Variants in PLCL1 observed in about 807,000 individuals in gnomAD.
The protein encoded by PLCL1 is phospholipase C like 1 (inactive).
A neutral mutation model predicts 84.4 loss-of-function variants in PLCL1; 41 were observed. The observed-to-expected ratio is 0.49, with a 90% CI of 0.38 to 0.63. The LOEUF (loss-of-function observed/expected upper bound fraction) is 0.63. Ranked by LOEUF, PLCL1 falls within the 30% of genes least tolerant of loss-of-function variation. The pLI is 0.00. For synonymous variants in PLCL1, 490 were observed against 488.3 expected (o/e 1.00, Z -0.05); for missense variants, 1,206 against 1,367.8 (o/e 0.88, Z 1.87).
intron 1 of PLCL1, among the ~76,000 whole-genome samples, chr2:197,859,403 T>C (rs1687389248): frequency 2.0e-5 from 3 of 152,210 alleles, no homozygotes; most frequent in Non-Finnish European, 4.4e-5. Flanking sequence ...AACCTACTTA[T>C]ACCTTTTAAA....
intron 1 of PLCL1, among the ~76,000 whole-genome samples, chr2:198,065,346 A>G (rs959692422): frequency 6.6e-6 from 1 of 152,182 alleles, no homozygotes; most frequent in African/African-American, 2.4e-5. Flanking sequence ...AAGCTTTTCA[A>G]GTCTAAATAA....
chr2:198,059,919 T>A (rs1395137538), intron 1 of PLCL1, among the ~76,000 whole-genome samples: 5 of 152,160 alleles, frequency 3.3e-5, no homozygotes, highest in African/African-American at 1.2e-4. Context: ...AGGCCATGTT[T>A]AAACTGATCT....
intron 1 of PLCL1, among the ~76,000 whole-genome samples, chr2:198,080,222 A>G (rs566890621): frequency 6.6e-6 from 1 of 152,338 alleles, no homozygotes; most frequent in East Asian, 1.9e-4. Flanking sequence ...CAATACATAC[A>G]CAACATAAAA....
At chr2:197,958,034 G>A (rs980921081) in intron 1 of PLCL1, among the ~76,000 whole-genome samples, 18 of 151,920 alleles carry the variant, frequency 1.2e-4, no homozygotes, top group African/African-American at 4.3e-4. Flanking sequence ...TCATATTTCT[G>A]GCTTATCTCA....
intron 2 of PLCL1, among the ~76,000 whole-genome samples, chr2:198,087,056 C>CA (rs976599842): frequency 2.6e-5 from 4 of 151,650 alleles, no homozygotes; most frequent in Non-Finnish European, 5.9e-5. Flanking sequence ...TAAAACTAAA[C>CA]AAAAAAAATT....
intron 1 of PLCL1, among the ~76,000 whole-genome samples, chr2:197,980,979 G>A (rs989924894): frequency 2.6e-5 from 4 of 152,086 alleles, no homozygotes; most frequent in African/African-American, 9.7e-5. Context: ...AGTAAATTTA[G>A]GTTTTATTAG....
chr2:197,859,257 G>C (rs1398537991), intron 1 of PLCL1, among the ~76,000 whole-genome samples: 2 of 151,954 alleles, frequency 1.3e-5, no homozygotes, highest in Non-Finnish European at 2.9e-5. Flanking sequence ...TTTCTGCTGA[G>C]GTTAAATAAA....
At chr2:198,051,747 T>C (rs1691936358) in intron 1 of PLCL1, among the ~76,000 whole-genome samples, 1 of 152,200 alleles carries the variant, frequency 6.6e-6, no homozygotes, top group Non-Finnish European at 1.5e-5. Flanking sequence ...ATTTATTTTA[T>C]TTTATTTAGA....
intron 1 of PLCL1, among the ~76,000 whole-genome samples, chr2:198,038,501 A>G (rs917777645): frequency 6.6e-6 from 1 of 152,152 alleles, no homozygotes; most frequent in Admixed American, 6.6e-5. Flanking sequence ...ATTTTGTAGT[A>G]AAAGTTCTTA....
chr2:197,913,888 A>G (rs1048731239), intron 1 of PLCL1, among the ~76,000 whole-genome samples: 19 of 152,086 alleles, frequency 1.2e-4, no homozygotes, highest in African/African-American at 4.3e-4. Context: ...TTTTATATAT[A>G]TATATATATT....
intron 1 of PLCL1, among the ~76,000 whole-genome samples, chr2:197,871,782 G>A (rs1432947883): frequency 6.6e-6 from 1 of 152,054 alleles, no homozygotes; most frequent in Non-Finnish European, 1.5e-5. Flanking sequence ...TGAGTGCTTT[G>A]AGTAAATCTC....
chr2:197,809,851 G>T (rs187805365), intron 1 of PLCL1, among the ~76,000 whole-genome samples: 1 of 151,626 alleles, frequency 6.6e-6, no homozygotes, highest in Admixed American at 6.6e-5. Flanking sequence ...TTTAAATAGG[G>T]ACGGTTATGA....
At chr2:197,908,035 A>G (rs1047624201) in intron 1 of PLCL1, among the ~76,000 whole-genome samples, 1 of 152,178 alleles carries the variant, frequency 6.6e-6, no homozygotes, top group African/African-American at 2.4e-5. Flanking sequence ...AATGGATAAG[A>G]CTTGGGAAGT....
intron 1 of PLCL1, among the ~76,000 whole-genome samples, chr2:198,053,186 G>C (rs1691983511): frequency 6.6e-6 from 1 of 152,216 alleles, no homozygotes; most frequent in Non-Finnish European, 1.5e-5. Flanking sequence ...CTACATGTAA[G>C]AGTGAATTTA....
Position 198,083,877 on chromosome 2 carries a change from G to A in PLCL1, c.360G>A (p.Glu120=), listed in dbSNP as rs1305933972. The A allele has an allele frequency of 5.0e-6, 8 of 1,614,158 alleles. No homozygotes were observed. In the Admixed American group the frequency reaches 1.2e-4, roughly 24 times the overall value. ...DCISFMQAGC[E]LKKVRPNSRI... is the part of the protein sequence containing the mutation. ...TCAGCTTCATGCAAGCTGGCTGTGA[G>A]TTGAAGAAAGTCCGGCCAAATTCTC... Residue 120 remains glutamate (E), a synonymous_variant, in exon 2 of 6, where the codon GAG becomes GAA. Transcript: ENST00000428675.
chr2:198,023,307 C>T (rs1691183402), intron 1 of PLCL1, among the ~76,000 whole-genome samples: 1 of 152,170 alleles, frequency 6.6e-6, no homozygotes, highest in African/African-American at 2.4e-5. Context: ...TAGAAGAAAA[C>T]CTAGGCAATA....
intron 1 of PLCL1, among the ~76,000 whole-genome samples, chr2:197,847,689 CT>C (rs901295883): frequency 1.3e-5 from 2 of 152,122 alleles, no homozygotes; most frequent in Non-Finnish European, 2.9e-5. Context: ...GAATTTATTG[CT>C]TTGGCTCTAA....
At chr2:198,041,012 A>G (rs775008303) in intron 1 of PLCL1, among the ~76,000 whole-genome samples, 52 of 152,178 alleles carry the variant, frequency 3.4e-4, no homozygotes, top group Non-Finnish European at 1.2e-4. Flanking sequence ...TGTCTTTTGC[A>G]TAAGTTGCTC....
In PLCL1 at chr2:197,971,856, G is replaced by A. The variant is rs148520830; in HGVS notation, c.241-111902G>A. Reference sequence around the variant, plus strand: ...CATTTATGGGTAACATCAGGACAAAGATTAAGAACCCAACCAAAAATTGTC... The same window carrying A: ...CATTTATGGGTAACATCAGGACAAAAATTAAGAACCCAACCAAAAATTGTC... On this transcript the variant is annotated intron_variant, in intron 1 of 5. Transcript: ENST00000428675. Among the ~76,000 whole-genome samples, 208 of 152,244 alleles carry A rather than the reference G, an allele frequency of 1.4e-3. 1 individual carries two copies. Among genetic ancestry groups the A allele is most frequent in the African/African-American group, 4.6e-3 (192 of 41,550 alleles).
Sources: allele counts gnomAD v4.1 joint callset (sites outside exome capture counted in the v4.1 genomes callset), GRCh38; gene constraint gnomAD v4.1.1; transcripts MANE v1.5; gene names NCBI Gene and HGNC (gene_info 2026-07-23, HGNC 2026-07-21).